Variants in TMEFF2 observed in about 807,000 individuals in gnomAD.
TMEFF2 encodes transmembrane protein with EGF like and two follistatin like domains 2, also known as tomoregulin-2.
A neutral mutation model predicts 53.8 loss-of-function variants in TMEFF2; 28 were observed. The ratio of observed to expected loss-of-function variants is 0.52; its 90% confidence interval spans 0.39 to 0.71. The LOEUF (loss-of-function observed/expected upper bound fraction) is 0.71, where lower values mean the gene tolerates loss of function less well. Ranked by LOEUF, TMEFF2 falls within the 30% of genes least tolerant of loss-of-function variation. The pLI is 0.00. For synonymous variants in TMEFF2, 162 were observed against 166.3 expected, an observed-to-expected ratio of 0.97 and a Z score of 0.20; for missense variants, 353 against 455.2, an observed-to-expected ratio of 0.78 and a Z score of 2.04.
At chr2:192,106,441 A>G (rs1689150638) in intron 4 of TMEFF2, among the ~76,000 whole-genome samples, 1 of 151,730 alleles carries the variant, frequency 6.6e-6, no homozygotes, top group Admixed American at 6.6e-5. Context: ...ACTTGATAAT[A>G]AACCAAAAAG....
At chr2:192,019,436 A>G (rs575078392) in intron 5 of TMEFF2, among the ~76,000 whole-genome samples, 1 of 152,218 alleles carries the variant, frequency 6.6e-6, no homozygotes, top group Non-Finnish European at 1.5e-5. Context: ...TAACAAAAAA[A>G]ATAAAGCCAC....
chr2:192,118,409 A>G (rs1574388684), intron 4 of TMEFF2, among the ~76,000 whole-genome samples: 1 of 152,330 alleles, frequency 6.6e-6, no homozygotes, highest in East Asian at 1.9e-4. Flanking sequence ...AAAGAATCAA[A>G]GTTTCGACAG....
intron 5 of TMEFF2, chr2:192,030,773 C>T (rs1559092333): frequency 3.9e-5 from 6 of 152,238 alleles, no homozygotes; most frequent in Admixed American, 6.5e-5. Context: ...TGTGAAAGAA[C>T]TGTGGAGATA....
chr2:191,952,319 G>A (rs1422258167), intron 9 of TMEFF2, among the ~76,000 whole-genome samples: 1 of 152,128 alleles, frequency 6.6e-6, no homozygotes, highest in African/African-American at 2.4e-5. Context: ...GAAAACATGA[G>A]CTAAAGTATT....
intron 4 of TMEFF2, among the ~76,000 whole-genome samples, chr2:192,114,423 A>G (rs1689352344): frequency 1.3e-5 from 2 of 151,146 alleles, no homozygotes; most frequent in Non-Finnish European, 3.0e-5. Context: ...CTGCTATTCC[A>G]TATAACACTG....
chr2:192,084,498 C>T (rs916719818), intron 4 of TMEFF2, among the ~76,000 whole-genome samples: 6 of 152,018 alleles, frequency 3.9e-5, no homozygotes, highest in African/African-American at 7.2e-5. Context: ...AAAAGAAGAA[C>T]GGACCCAAAG....
chr2:191,981,140 A>G (rs935453984), intron 7 of TMEFF2, among the ~76,000 whole-genome samples: 1 of 152,090 alleles, frequency 6.6e-6, no homozygotes. Context: ...CCTATTGAGC[A>G]GAAGATAAAT....
At chr2:191,969,184 G>A (rs1044179794) in intron 7 of TMEFF2, among the ~76,000 whole-genome samples, 1 of 151,056 alleles carries the variant, frequency 6.6e-6, no homozygotes, top group Non-Finnish European at 1.5e-5. Context: ...GAGAGCTAAC[G>A]TTTAGGACAG....
At chr2:192,074,772 C>T (rs1428775811) in intron 4 of TMEFF2, among the ~76,000 whole-genome samples, 2 of 151,774 alleles carry the variant, frequency 1.3e-5, no homozygotes, top group Admixed American at 6.6e-5. Flanking sequence ...GTATATAACT[C>T]GAATACATTA....
chr2:192,131,997 T>C (rs1479006891), intron 4 of TMEFF2, among the ~76,000 whole-genome samples: 1 of 151,966 alleles, frequency 6.6e-6, no homozygotes, highest in Non-Finnish European at 1.5e-5. Flanking sequence ...GTGCAACTCG[T>C]CCCAAATCTT....
chr2:191,952,313 A>C (rs1465598699), intron 9 of TMEFF2, among the ~76,000 whole-genome samples: 2 of 152,224 alleles, frequency 1.3e-5, no homozygotes, highest in African/African-American at 4.8e-5. Flanking sequence ...AGAATTGAAA[A>C]CATGAGCTAA....
intron 7 of TMEFF2, among the ~76,000 whole-genome samples, chr2:191,992,900 C>T (rs766186909): frequency 6.6e-6 from 1 of 152,006 alleles, no homozygotes; most frequent in Non-Finnish European, 1.5e-5. Flanking sequence ...AAATGGTTAA[C>T]GCTTAGGGTG....
At chr2:192,180,776 C>T (rs1005391877) in intron 3 of TMEFF2, among the ~76,000 whole-genome samples, 1 of 151,694 alleles carries the variant, frequency 6.6e-6, no homozygotes. Context: ...AGAAGGCTGA[C>T]AAATATGGAA....
chr2:192,165,681 A>C (rs1690746950), intron 4 of TMEFF2, among the ~76,000 whole-genome samples: 1 of 151,922 alleles, frequency 6.6e-6, no homozygotes, highest in Non-Finnish European at 1.5e-5. Flanking sequence ...TTTCCTCTCC[A>C]ATAACCCCAG....
At chr2:192,143,453 A>C (rs1690183065) in intron 4 of TMEFF2, among the ~76,000 whole-genome samples, 1 of 152,120 alleles carries the variant, frequency 6.6e-6, no homozygotes, top group East Asian at 1.9e-4. Flanking sequence ...TATATTTATA[A>C]ATTATTTATT....
At chr2:191,956,221 A>C in intron 8 of TMEFF2, 34 bp downstream of exon 8, 1 of 1,578,470 alleles carries the variant, frequency 6.3e-7, no homozygotes, top group East Asian at 2.3e-5. Flanking sequence ...TATTAACTTT[A>C]TACATTAACT....
At chr2:191,953,190 G>A (rs1187507457) in intron 9 of TMEFF2, among the ~76,000 whole-genome samples, 2 of 152,158 alleles carry the variant, frequency 1.3e-5, no homozygotes, top group East Asian at 3.8e-4. Flanking sequence ...GATTCTCCAG[G>A]AAACAATTAC....
At position 192,188,293 on chromosome 2, in the gene TMEFF2, C is replaced by T. The variant is rs979300636; in HGVS notation, c.282+3587G>A. Among the ~76,000 whole-genome samples, 6 of 152,324 alleles carry T rather than the reference C, an allele frequency of 3.9e-5. No individual in the cohort carries two copies. In the East Asian group the frequency reaches 7.7e-4, roughly 20 times the overall value. On this transcript the variant is annotated intron_variant, in intron 2 of 9. Coordinates refer to ENST00000272771, the MANE Select transcript of TMEFF2 (RefSeq NM_016192.4). Reference sequence around the variant, plus strand: ...TAACGGATATAGCTTCTACCTGGCTCTTTCTTTCTCTCTGGATGCTTGACT... The same window carrying T: ...TAACGGATATAGCTTCTACCTGGCTTTTTCTTTCTCTCTGGATGCTTGACT...
At chr2:191,991,126 T>G (rs1488171941) in intron 7 of TMEFF2, among the ~76,000 whole-genome samples, 1 of 152,114 alleles carries the variant, frequency 6.6e-6, no homozygotes, top group African/African-American at 2.4e-5. Context: ...AAATTTGCTT[T>G]GTGAATATTT....
Sources: allele counts gnomAD v4.1 joint callset (sites outside exome capture counted in the v4.1 genomes callset), GRCh38; gene constraint gnomAD v4.1.1; transcripts MANE v1.5; gene names NCBI Gene and HGNC (gene_info 2026-07-23, HGNC 2026-07-21).